The following TENT5A variants were observed in gnomAD, a reference collection of about 807,000 sequenced individuals.
TENT5A encodes terminal nucleotidyltransferase 5A.
TENT5A carries 9 observed loss-of-function variants against 30.2 expected under a neutral mutation model. That is an observed-to-expected ratio of 0.30 (90% CI 0.18 to 0.52). The LOEUF (loss-of-function observed/expected upper bound fraction) is 0.52, where lower values mean the gene tolerates loss of function less well. Among genes scored for constraint, TENT5A ranks in the 20% least tolerant of loss-of-function variants. TENT5A has a pLI of 0.97. For synonymous variants in TENT5A, 264 were observed against 234.2 expected (o/e 1.13, Z -1.16); for missense variants, 411 against 566.1 (o/e 0.73, Z 2.78).
rs1433747409 is a variant in TENT5A, at chr6:81,748,780, T to G, written c.*915A>C. ...ATTTTCTCCACCATTCACAAGCTTA[T>G]GTTATTTTCTTCTTGAGGCAGTCCC... On this transcript the variant is annotated 3_prime_UTR_variant, in exon 3 of 3. Transcript: ENST00000320172. The G allele has an allele frequency of 3.0e-6, 3 of 985,570 alleles. No homozygotes were observed. Among genetic ancestry groups the G allele is most frequent in the Non-Finnish European group, 3.6e-6 (3 of 829,776 alleles). 61.1% of individuals were successfully genotyped at this position (985,570 alleles called of 1,614,324 possible). A position where few individuals can be genotyped will look rare whatever the true frequency, so the allele number is the denominator to read the frequency against.
chr6:81,746,909 A>T lies in TENT5A; in HGVS notation c.*2786T>A. On this transcript the variant is annotated 3_prime_UTR_variant, in exon 3 of 3. Transcript: ENST00000320172. The stretch of plus-strand genomic sequence containing the variant: ...TACACACAAAATAGAAATAAATTAT[A>T]TAAGTCTTAAAGTAAATGCTAGAAG... 2 of 1,033,278 alleles carry T rather than the reference A, an allele frequency of 1.9e-6. No individual in the cohort carries two copies. The highest frequency in any genetic ancestry group is 2.3e-6 in the Non-Finnish European group (2 of 861,514). 64.0% of individuals were successfully genotyped at this position (1,033,278 alleles called of 1,614,324 possible). A position where few individuals can be genotyped will look rare whatever the true frequency, so the allele number is the denominator to read the frequency against.
At position 81,750,136 on chromosome 6, in the gene TENT5A, G is replaced by A; in HGVS notation, c.888C>T (p.Tyr296=). 6.2e-7 allele frequency: 1 copy of A among 1,613,820 alleles called. No individual in the cohort carries two copies. Residue 296 remains tyrosine (Y), a synonymous_variant, in exon 3 of 3, where the codon TAC becomes TAT. Coordinates refer to ENST00000320172, the MANE Select transcript of TENT5A (RefSeq NM_017633.3). This position sits in a 1 kb window ranked among gnomAD's most constrained non-coding sequence, Gnocchi z 4.2. ...TAAAGCCCCTCACCAAGAGGTTGCA[G>A]TACTTAAGCAGGCCTCCCCCTCGGA... ...EEIRGGGLLK[Y]CNLLVRGFRP... is the part of the protein sequence containing the mutation.
chr6:81,746,878 C>T lies in TENT5A; in HGVS notation c.*2817G>A. The T allele has an allele frequency of 9.2e-7, 1 of 1,090,998 alleles. No individual in the cohort carries two copies. Among genetic ancestry groups the T allele is most frequent in the Non-Finnish European group, 1.1e-6 (1 of 899,102 alleles). 67.6% of individuals were successfully genotyped at this position (1,090,998 alleles called of 1,614,324 possible). On this transcript the variant is annotated 3_prime_UTR_variant, in exon 3 of 3. Transcript: ENST00000320172. ...TGTGTTCAACTACATATGCACAAGACTATAGTACACACAAAATAGAAATAA... is the reference window on the plus strand; with the variant it reads ...TGTGTTCAACTACATATGCACAAGATTATAGTACACACAAAATAGAAATAA...
At position 81,746,521 on chromosome 6, in the gene TENT5A, C is replaced by G; in HGVS notation, c.*3174G>C. 2 of 1,232,098 alleles carry G rather than the reference C, an allele frequency of 1.6e-6. No homozygotes were observed. Among genetic ancestry groups the G allele is most frequent in the Non-Finnish European group, 2.0e-6 (2 of 987,940 alleles). 76.3% of individuals were successfully genotyped at this position (1,232,098 alleles called of 1,614,324 possible). On this transcript the variant is annotated 3_prime_UTR_variant, in exon 3 of 3. Coordinates refer to ENST00000320172, the MANE Select transcript of TENT5A (RefSeq NM_017633.3). Reference sequence around the variant, plus strand: ...AGTGAGCAGATACTTGATCCCATTTCTGGAAAGGAAATGTCCATCTTGGTG... The same window carrying G: ...AGTGAGCAGATACTTGATCCCATTTGTGGAAAGGAAATGTCCATCTTGGTG...
chr6:81,746,778 T>C lies in TENT5A; in HGVS notation c.*2917A>G, dbSNP rs886413797. 1.2e-5 allele frequency: 15 copies of C among 1,213,104 alleles called. No individual in the cohort carries two copies. The highest frequency in any genetic ancestry group is 1.6e-5 in the African/African-American group (1 of 64,048). The allele number at this position is 1,213,104 out of a possible 1,614,324, so 75.1% of individuals were successfully genotyped here. A position where few individuals can be genotyped will look rare whatever the true frequency, so the allele number is the denominator to read the frequency against. ...GGGAGCTGTTCTTTTCTCTGACCTA[T>C]ACACATGGCTCTCTCTCACCAGACA... On this transcript the variant is annotated 3_prime_UTR_variant, in exon 3 of 3. Transcript: ENST00000320172.
rs1768925310 is a variant in TENT5A at position 81,748,204 on chromosome 6, T to C, written c.*1491A>G. ...TGTTTAGATCACCGGAAATCCTTTT[T>C]AGCAGTCAGGGATTTAAGTAGCCTA... On this transcript the variant is annotated 3_prime_UTR_variant, in exon 3 of 3. Coordinates refer to ENST00000320172, the MANE Select transcript of TENT5A (RefSeq NM_017633.3). 2.0e-6 allele frequency: 2 copies of C among 985,506 alleles called. No individual in the cohort carries two copies. Among genetic ancestry groups the C allele is most frequent in the Admixed American group, 6.2e-5 (1 of 16,240 alleles). The allele number at this position is 985,506 out of a possible 1,614,324, so 61.0% of individuals were successfully genotyped here. A position where few individuals can be genotyped will look rare whatever the true frequency, so the allele number is the denominator to read the frequency against.
In TENT5A at chr6:81,747,715, G is replaced by A. The variant is rs1768914943; in HGVS notation, c.*1980C>T. On this transcript the variant is annotated 3_prime_UTR_variant, in exon 3 of 3. Coordinates refer to ENST00000320172, the MANE Select transcript of TENT5A (RefSeq NM_017633.3). ...GCAAGCAGTCATCCACTAAGGTTGTGGAGATTATGTGGTTGTTTCACAACA... is the reference window on the plus strand; with the variant it reads ...GCAAGCAGTCATCCACTAAGGTTGTAGAGATTATGTGGTTGTTTCACAACA... 1 of 985,836 alleles carries A rather than the reference G, an allele frequency of 1.0e-6. No individual in the cohort carries two copies. Among genetic ancestry groups the A allele is most frequent in the Non-Finnish European group, 1.2e-6 (1 of 829,918 alleles). The allele number at this position is 985,836 out of a possible 1,614,324, so 61.1% of individuals were successfully genotyped here. A position where few individuals can be genotyped will look rare whatever the true frequency, so the allele number is the denominator to read the frequency against.
chr6:81,748,181 T>G lies in TENT5A; in HGVS notation c.*1514A>C, dbSNP rs1419891857. 4.1e-6 allele frequency: 4 copies of G among 985,236 alleles called. No homozygotes were observed. Among genetic ancestry groups the G allele is most frequent in the Non-Finnish European group, 4.8e-6 (4 of 829,652 alleles). The allele number at this position is 985,236 out of a possible 1,614,324, so 61.0% of individuals were successfully genotyped here. ...TTCATTTAAACATTAGCAAGTAGTG[T>G]TTAGATCACCGGAAATCCTTTTTAG... On this transcript the variant is annotated 3_prime_UTR_variant, in exon 3 of 3. Coordinates refer to ENST00000320172, the MANE Select transcript of TENT5A (RefSeq NM_017633.3).
rs1293455253 is a variant in TENT5A at position 81,752,554 on chromosome 6, G to A, written c.-161C>T. The A allele has an allele frequency of 2.1e-5, 22 of 1,031,006 alleles. No individual in the cohort carries two copies. Among genetic ancestry groups the A allele is most frequent in the Non-Finnish European group, 3.3e-5 (22 of 673,424 alleles). The allele number at this position is 1,031,006 out of a possible 1,614,324, so 63.9% of individuals were successfully genotyped here. On this transcript the variant is annotated 5_prime_UTR_variant, in exon 1 of 3. Transcript: ENST00000320172. ...GCGACTTCGTCTTTCCCAGACCCCT[G>A]CCGCCTGCGCTCACCACTCCCTCCC...
chr6:81,749,413 A>C lies in TENT5A; in HGVS notation c.*282T>G. The C allele has an allele frequency of 8.6e-7, 1 of 1,168,804 alleles. No homozygotes were observed. Among genetic ancestry groups the C allele is most frequent in the South Asian group, 3.8e-5 (1 of 26,410 alleles). 72.4% of individuals were successfully genotyped at this position (1,168,804 alleles called of 1,614,324 possible). ...CATCACACATTTCTTCTCTTGTATC[A>C]GGAGAACCTGGTTGCTTCTAATGAC... On this transcript the variant is annotated 3_prime_UTR_variant, in exon 3 of 3. Coordinates refer to ENST00000320172, the MANE Select transcript of TENT5A (RefSeq NM_017633.3).
rs967647832 is a variant in TENT5A, at chr6:81,747,725, T to C, written c.*1970A>G. 15 of 985,750 alleles carry C rather than the reference T, an allele frequency of 1.5e-5. No individual in the cohort carries two copies. The African/African-American group carries it at 2.1e-4, about 14-fold the overall frequency. 61.1% of individuals were successfully genotyped at this position (985,750 alleles called of 1,614,324 possible). On this transcript the variant is annotated 3_prime_UTR_variant, in exon 3 of 3. Coordinates refer to ENST00000320172, the MANE Select transcript of TENT5A (RefSeq NM_017633.3). ...ATCCACTAAGGTTGTGGAGATTATG[T>C]GGTTGTTTCACAACACAAAGGGAAG...
chr6:81,749,760 C>A lies in TENT5A; in HGVS notation c.1264G>T (p.Ala422Ser). ...CACGTGAATACTGGCTGAACCTGTGCAATGTAGTAATTGCTAAAGTTGGCA... is the reference window on the plus strand; with the variant it reads ...CACGTGAATACTGGCTGAACCTGTGAAATGTAGTAATTGCTAAAGTTGGCA... Reference protein sequence around the residue: ...ADANFSNYYIAQVQPVFTCQQ... With the variant: ...ADANFSNYYISQVQPVFTCQQ... The change falls in exon 3 of 3, where the codon GCA (alanine) becomes TCA (serine). Residue 422 changes from alanine (A) to serine (S), a missense_variant. Physicochemically the swap from Ala to Ser is moderately conservative, Grantham distance 99 (BLOSUM62 1). This residue lies in a region of TENT5A where 75 missense variants were observed against 80.9 expected (regional missense o/e 0.93). Coordinates refer to ENST00000320172, the MANE Select transcript of TENT5A (RefSeq NM_017633.3). The A allele has an allele frequency of 6.2e-7, 1 of 1,613,766 alleles. No individual in the cohort carries two copies. Among genetic ancestry groups the A allele is most frequent in the Non-Finnish European group, 8.5e-7 (1 of 1,180,002 alleles).
chr6:81,752,131 C>T lies in TENT5A; in HGVS notation c.11G>A (p.Gly4Asp). Reference protein sequence around the residue: MAEGEGYFAMSEDE... With the variant: MAEDEGYFAMSEDE... ...CTCAGACATGGCGAAGTACCCTTCACCCTCCGCCATGTAGTGCCCGCCGAG... is the reference window on the plus strand; with the variant it reads ...CTCAGACATGGCGAAGTACCCTTCATCCTCCGCCATGTAGTGCCCGCCGAG... The change falls in exon 2 of 3, where the codon GGT becomes GAT. Residue 4 changes from glycine to aspartate, a missense_variant. Gly to Asp is a moderately conservative substitution (Grantham distance 94). Around this residue, in one of 5 missense-constraint regions of TENT5A, gnomAD observed 34 missense variants for 29.3 expected, o/e 1.16. Transcript: ENST00000320172. 1 of 1,548,962 alleles carries T rather than the reference C, an allele frequency of 6.5e-7. No individual in the cohort carries two copies.
intron 1 of TENT5A, 99 bp downstream of exon 1, chr6:81,752,332 A>G: frequency 2.1e-6 from 3 of 1,463,264 alleles, no homozygotes; most frequent in Non-Finnish European, 2.7e-6. Context: ...CCCGGCCCTT[A>G]CAGTCCCCAG....
In TENT5A at chr6:81,752,005, C is replaced by CTGCCACCGCCGAAGT. The variant is rs1554200526; in HGVS notation, c.136_137insACTTCGGCGGTGGCA (p.Gly46delinsAspPheGlyGlyGlySer). ...GTCCAAGCAATGCCCACCGAAGCTG[C>CTGCCACCGCCGAAGT]CGCCACCGCCGAAGTCGCCGCCGCC... On this transcript the variant is annotated protein_altering_variant, in exon 2 of 3. Coordinates refer to ENST00000320172, the MANE Select transcript of TENT5A (RefSeq NM_017633.3). The CTGCCACCGCCGAAGT allele has an allele frequency of 1.6e-4, 200 of 1,232,002 alleles. No individual in the cohort carries two copies. The African/African-American group carries it at 4.7e-3, about 29-fold the overall frequency. 76.3% of individuals were successfully genotyped at this position (1,232,002 alleles called of 1,614,324 possible). A position where few individuals can be genotyped will look rare whatever the true frequency, so the allele number is the denominator to read the frequency against.
Position 81,750,567 on chromosome 6 carries a change from T to C in TENT5A, c.553-96A>G, listed in dbSNP as rs532443336. ...TTCACAGCTGAGAATTATTTTGCTC[T>C]TTCCCTTTTGTTTTGTCAAGTTTCA... On this transcript the variant is annotated intron_variant, in intron 2 of 2. Coordinates refer to ENST00000320172, the MANE Select transcript of TENT5A (RefSeq NM_017633.3). This position sits in a 1 kb window ranked among gnomAD's most constrained non-coding sequence, Gnocchi z 4.2. 10 of 818,392 alleles carry C rather than the reference T, an allele frequency of 1.2e-5. No individual in the cohort carries two copies. In the Admixed American group the frequency reaches 3.5e-4, roughly 28 times the overall value. 50.7% of individuals were successfully genotyped at this position (818,392 alleles called of 1,614,324 possible).
rs1322155053 is a variant in TENT5A at position 81,747,498 on chromosome 6, G to A, written c.*2197C>T. 1.4e-5 allele frequency: 14 copies of A among 985,688 alleles called. No individual in the cohort carries two copies. The East Asian group carries it at 3.4e-4, about 24-fold the overall frequency. The allele number at this position is 985,688 out of a possible 1,614,324, so 61.1% of individuals were successfully genotyped here. A position where few individuals can be genotyped will look rare whatever the true frequency, so the allele number is the denominator to read the frequency against. ...GCAAACCCATCAGGTTCCCATTAAGGCTTCAAAGAAAGATGCACAAAAGGT... is the reference window on the plus strand; with the variant it reads ...GCAAACCCATCAGGTTCCCATTAAGACTTCAAAGAAAGATGCACAAAAGGT... On this transcript the variant is annotated 3_prime_UTR_variant, in exon 3 of 3. Transcript: ENST00000320172.
chr6:81,752,185 AG>A lies in TENT5A; in HGVS notation c.-37-8del, dbSNP rs1769058636. The A allele has an allele frequency of 6.7e-7, 1 of 1,493,702 alleles. No individual in the cohort carries two copies. Among genetic ancestry groups the A allele is most frequent in the Admixed American group, 2.4e-5 (1 of 41,032 alleles). The allele number at this position is 1,493,702 out of a possible 1,614,324, so 92.5% of individuals were successfully genotyped here. A position where few individuals can be genotyped will look rare whatever the true frequency, so the allele number is the denominator to read the frequency against. ...CACTTGGCCCTGGTCAGTCCTAAAA[AG>A]AAAGGGAAAGGAGCGCGGTGAGGAC... On this transcript the variant is annotated splice_region_variant and splice_polypyrimidine_tract_variant and intron_variant, in intron 1 of 2. Transcript: ENST00000320172.
chr6:81,746,735 A>C lies in TENT5A; in HGVS notation c.*2960T>G, dbSNP rs1396590646. On this transcript the variant is annotated 3_prime_UTR_variant, in exon 3 of 3. Transcript: ENST00000320172. The stretch of plus-strand genomic sequence containing the variant: ...ATAAACACAAAAGGAAACAAATCAC[A>C]GGCGCTAATAGGGAGTCGGGAGCTG... 8.2e-7 allele frequency: 1 copy of C among 1,223,372 alleles called. No individual in the cohort carries two copies. The highest frequency in any genetic ancestry group is 1.0e-6 in the Non-Finnish European group (1 of 982,992). 75.8% of individuals were successfully genotyped at this position (1,223,372 alleles called of 1,614,324 possible).
Sources: allele counts gnomAD v4.1 joint callset, GRCh38; gene constraint gnomAD v4.1.1; regional missense constraint gnomAD v4.1.1; non-coding constraint Gnocchi (gnomAD v3.1); transcripts MANE v1.5; gene names NCBI Gene and HGNC (gene_info 2026-07-23, HGNC 2026-07-21).